Variants in POLQ observed in about 807,000 individuals in gnomAD.
POLQ encodes epididymis secretory sperm binding protein.
Under a neutral mutation model 259.2 loss-of-function variants are expected in POLQ, and 233 were observed. The ratio of observed to expected loss-of-function variants is 0.90; its 90% confidence interval spans 0.81 to 1.00. POLQ has a LOEUF of 1.00. Ranked by LOEUF, POLQ falls within the 50% of genes least tolerant of loss-of-function variation. The pLI is 0.00. For missense variants in POLQ, 2,871 were observed against 3,051.6 expected (o/e 0.94, Z 1.39); for synonymous variants, 1,025 against 1,048.8 (o/e 0.98, Z 0.44).
chr3:121,436,388 T>A, intron 27 of POLQ, 113 bp from the exon 28 acceptor site: 1 of 951,574 alleles, frequency 1.1e-6, no homozygotes, highest in Non-Finnish European at 1.6e-6. Flanking sequence ...AAAGCTGGAC[T>A]GAGATGCAAC....
At chr3:121,477,255 A>G (rs1342722977) in intron 19 of POLQ, among the ~76,000 whole-genome samples, 1 of 152,192 alleles carries the variant, frequency 6.6e-6, no homozygotes, top group East Asian at 1.9e-4. Context: ...TTTCCGCCAG[A>G]CAACCACAGA....
Position 121,519,901 on chromosome 3 carries a change from G to C in POLQ, c.1438C>G (p.Arg480Gly). The change falls in exon 9 of 30, where the codon CGT becomes GGT. Residue 480 changes from arginine (R) to glycine (G), a missense_variant. Around this residue, in one of 3 missense-constraint regions of POLQ, gnomAD observed 783 missense variants for 906.2 expected, o/e 0.86. Transcript: ENST00000264233. ...GTGTCCACTCCTTTCCTGCCAGCACGGCCAACCATCTGCTTATAAGTAAGA... is the reference window on the plus strand; with the variant it reads ...GTGTCCACTCCTTTCCTGCCAGCACCGCCAACCATCTGCTTATAAGTAAGA... ...DILTYKQMVGRAGRKGVDTVG... is the reference protein window; with the variant it reads ...DILTYKQMVGGAGRKGVDTVG... 1 of 1,604,164 alleles carries C rather than the reference G, an allele frequency of 6.2e-7. No individual in the cohort carries two copies. The highest frequency in any genetic ancestry group is 8.5e-7 in the Non-Finnish European group (1 of 1,171,218).
intron 21 of POLQ, 55 bp from the exon 22 acceptor site, chr3:121,472,219 T>C (rs1463658608): frequency 2.5e-6 from 2 of 811,230 alleles, no homozygotes; most frequent in Admixed American, 2.5e-5. Flanking sequence ...CACAGCAAGC[T>C]AGAATCTCTT....
intron 26 of POLQ, among the ~76,000 whole-genome samples, chr3:121,443,834 G>A (rs2047612609): frequency 6.6e-6 from 1 of 152,086 alleles, no homozygotes; most frequent in African/African-American, 2.4e-5. Flanking sequence ...ACCATTTATT[G>A]AAGAGACTGT....
intron 19 of POLQ, among the ~76,000 whole-genome samples, chr3:121,479,544 C>A (rs1264356106): frequency 3.3e-5 from 5 of 152,064 alleles, no homozygotes; most frequent in African/African-American, 9.7e-5. Flanking sequence ...CTCACTGCAA[C>A]CTCCGCCTCC....
chr3:121,488,986 G>T lies in POLQ; in HGVS notation c.3945C>A (p.Leu1315=). ...NNHVSDLGLV[L]CDFEDSFYLD... Reference sequence around the variant, plus strand: ...GATAGAAACTATCTTCAAAATCACAGAGGACTAAACCTAAGTCAGAAACAT... The same window carrying T: ...GATAGAAACTATCTTCAAAATCACATAGGACTAAACCTAAGTCAGAAACAT... Residue 1315 remains leucine, a synonymous_variant, in exon 16 of 30, where the codon CTC becomes CTA. Transcript: ENST00000264233. The T allele has an allele frequency of 8.1e-6, 13 of 1,613,450 alleles. No individual in the cohort carries two copies. The highest frequency in any genetic ancestry group is 1.1e-5 in the Non-Finnish European group (13 of 1,179,386).
chr3:121,484,254 C>T (rs2047992934), intron 17 of POLQ, among the ~76,000 whole-genome samples: 1 of 152,230 alleles, frequency 6.6e-6, no homozygotes, highest in Non-Finnish European at 1.5e-5. Context: ...TATCCAACAT[C>T]CACATTCAGA....
intron 26 of POLQ, among the ~76,000 whole-genome samples, chr3:121,444,074 T>C (rs531784983): frequency 6.6e-6 from 1 of 152,336 alleles, no homozygotes; most frequent in African/African-American, 2.4e-5. Flanking sequence ...TCTAGGTCTC[T>C]TGTGGTTCCA....
Position 121,532,970 on chromosome 3 carries a change from A to G in POLQ, c.960+20T>C. ...AAACACACAGATAAAAATAGTAGTGATGTACATATATTGATTTACCTTCAC... is the reference window on the plus strand; with the variant it reads ...AAACACACAGATAAAAATAGTAGTGGTGTACATATATTGATTTACCTTCAC... On this transcript the variant is annotated intron_variant, in intron 6 of 29. Transcript: ENST00000264233. The G allele has an allele frequency of 1.4e-6, 2 of 1,398,248 alleles. No individual in the cohort carries two copies. The highest frequency in any genetic ancestry group is 2.0e-6 in the Non-Finnish European group (2 of 997,938). 86.6% of individuals were successfully genotyped at this position (1,398,248 alleles called of 1,614,324 possible). A position where few individuals can be genotyped will look rare whatever the true frequency, so the allele number is the denominator to read the frequency against.
chr3:121,544,760 G>A lies in POLQ; in HGVS notation c.310C>T (p.Gln104Ter), dbSNP rs1217820479. 1 of 1,612,870 alleles carries A rather than the reference G, an allele frequency of 6.2e-7. No individual in the cohort carries two copies. The highest frequency in any genetic ancestry group is 1.1e-5 in the South Asian group (1 of 90,978). ...EWQAECLLLG[Q>*]VLEGKNLVYS... ...ACTAAATTCTTTCCTTCCAGGACTT[G>A]TCCAAGCAAAAGGCACTCTGCCTGC... is the stretch of plus-strand genomic sequence containing the variant. Residue 104 changes from glutamine (Q) to a stop codon, truncating the protein, a stop_gained, in exon 2 of 30, where the codon CAA becomes TAA. Transcript: ENST00000264233. LOFTEE classifies it high-confidence loss of function.
chr3:121,454,481 G>C (rs1434747626), intron 25 of POLQ, among the ~76,000 whole-genome samples: 1 of 152,128 alleles, frequency 6.6e-6, no homozygotes, highest in African/African-American at 2.4e-5. Flanking sequence ...CTGTATTCAG[G>C]AGACCCATCT....
In POLQ at chr3:121,488,292, G is replaced by T. The variant is rs778911148; in HGVS notation, c.4639C>A (p.Gln1547Lys). 1.9e-6 allele frequency: 3 copies of T among 1,612,234 alleles called. No individual in the cohort carries two copies. The African/African-American group carries it at 4.0e-5, about 22-fold the overall frequency. The change falls in exon 16 of 30, where the codon CAG (glutamine) becomes AAG (lysine). Residue 1547 changes from glutamine (Q) to lysine (K), a missense_variant. By Grantham distance (53) the Gln-to-Lys change is moderately conservative. Around this residue, in one of 3 missense-constraint regions of POLQ, gnomAD observed 2,080 missense variants for 2,126.0 expected, o/e 0.98. Coordinates refer to ENST00000264233, the MANE Select transcript of POLQ (RefSeq NM_199420.4). ...NVNENQDTHQQLTCSNDESII... is the reference protein window; with the variant it reads ...NVNENQDTHQKLTCSNDESII... ...GATTCATCATTGGAACAAGTCAACT[G>T]CTGGTGGGTATCTTGATTCTCATTT...
In POLQ at chr3:121,481,627, G is replaced by A; in HGVS notation, c.6156C>T (p.Leu2052=). The A allele has an allele frequency of 6.2e-7, 1 of 1,613,692 alleles. No homozygotes were observed. Among genetic ancestry groups the A allele is most frequent in the Non-Finnish European group, 8.5e-7 (1 of 1,179,716 alleles). The change falls in exon 19 of 30, where the codon CTC becomes CTT. Residue 2052 remains leucine, a synonymous_variant. Coordinates refer to ENST00000264233, the MANE Select transcript of POLQ (RefSeq NM_199420.4). ...GRYRASVESI[L]IFNSMNQLNS... is the part of the protein sequence containing the mutation. ...TGAGCTGATTCATAGAGTTGAAGAT[G>A]AGAATGGACTCCACAGATGCTCTGT...
chr3:121,456,005 C>T (rs1419685094), intron 25 of POLQ, among the ~76,000 whole-genome samples: 8 of 152,160 alleles, frequency 5.3e-5, no homozygotes, highest in Non-Finnish European at 1.0e-4. Context: ...CAAACCAAAT[C>T]CAGCAGCACA....
chr3:121,454,032 C>T, intron 25 of POLQ, among the ~76,000 whole-genome samples: 1 of 152,200 alleles, frequency 6.6e-6, no homozygotes, highest in Admixed American at 6.5e-5. Context: ...CAGCGGATCT[C>T]TCGGCAGAAA....
At position 121,487,778 on chromosome 3, in the gene POLQ, G is replaced by A; in HGVS notation, c.5153C>T (p.Ser1718Leu). The change falls in exon 16 of 30, where the codon TCA becomes TTA. Residue 1718 changes from serine to leucine, a missense_variant. Physicochemically the swap from Ser to Leu is moderately radical, Grantham distance 145. This residue lies in a region of POLQ where 2,080 missense variants were observed against 2,126.0 expected (regional missense o/e 0.98). Coordinates refer to ENST00000264233, the MANE Select transcript of POLQ (RefSeq NM_199420.4). ...LENNANHDET[S>L]SLLPRKESNI... The stretch of plus-strand genomic sequence containing the variant: ...ACTTTCTTTACGAGGTAAGAGGGAT[G>A]AGGTTTCATCATGATTGGCATTGTT... The A allele has an allele frequency of 6.2e-7, 1 of 1,611,502 alleles. No individual in the cohort carries two copies. Among genetic ancestry groups the A allele is most frequent in the Non-Finnish European group, 8.5e-7 (1 of 1,178,556 alleles).
intron 6 of POLQ, among the ~76,000 whole-genome samples, chr3:121,531,947 T>C (rs2048414426): frequency 6.6e-6 from 1 of 152,186 alleles, no homozygotes; most frequent in Non-Finnish European, 1.5e-5. Context: ...AATTCTAAAA[T>C]GACCCTTAGC....
At position 121,489,839 on chromosome 3, in the gene POLQ, T is replaced by C. The variant is rs551658820; in HGVS notation, c.3092A>G (p.Asn1031Ser). ...AAAACTTCTGCTCATCTTTTCTGAA[T>C]TGAAATTCAAAGGTGCCTTTTTTGT... ...QKTKKAPLNF[N>S]SEKMSRSFRS... Residue 1031 changes from asparagine (N) to serine (S), a missense_variant, in exon 16 of 30, where the codon AAT becomes AGT. This residue lies in a region of POLQ where 2,080 missense variants were observed against 2,126.0 expected (regional missense o/e 0.98). Coordinates refer to ENST00000264233, the MANE Select transcript of POLQ (RefSeq NM_199420.4). The C allele has an allele frequency of 2.0e-5, 32 of 1,611,616 alleles. No individual in the cohort carries two copies. The South Asian group carries it at 2.0e-4, about 10-fold the overall frequency.
Position 121,488,757 on chromosome 3 carries a change from G to A in POLQ, c.4174C>T (p.Leu1392Phe), listed in dbSNP as rs891310730. Residue 1392 changes from leucine to phenylalanine, a missense_variant, in exon 16 of 30, where the codon CTT becomes TTT. Around this residue, in one of 3 missense-constraint regions of POLQ, gnomAD observed 2,080 missense variants for 2,126.0 expected, o/e 0.98. Coordinates refer to ENST00000264233, the MANE Select transcript of POLQ (RefSeq NM_199420.4). The part of the protein sequence containing the change: ...LGATKIDHLD[L>F]KTVGTMKQSS... Reference sequence around the variant, plus strand: ...TGTTTCATAGTACCTACAGTCTTAAGGTCCAAATGATCTATCTTAGTCGCT... The same window carrying A: ...TGTTTCATAGTACCTACAGTCTTAAAGTCCAAATGATCTATCTTAGTCGCT... 2 of 1,613,898 alleles carry A rather than the reference G, an allele frequency of 1.2e-6. No homozygotes were observed. The highest frequency in any genetic ancestry group is 2.2e-5 in the East Asian group (1 of 44,866).
Sources: gnomAD v4.1 joint callset for allele counts (sites outside exome capture counted in the v4.1 genomes callset) on GRCh38, gnomAD v4.1.1 for gene constraint, gnomAD v4.1.1 regional missense constraint, MANE v1.5 for transcripts, NCBI Gene and HGNC (gene_info 2026-07-23, HGNC 2026-07-21) for gene names.